Variants in FAM227A observed in about 807,000 individuals in gnomAD.
FAM227A encodes the protein protein FAM227A.
FAM227A carries 80 observed loss-of-function variants against 74.7 expected under a neutral mutation model. That is an observed-to-expected ratio of 1.07 (90% CI 0.89 to 1.29). The LOEUF (loss-of-function observed/expected upper bound fraction) is 1.29. Among genes scored for constraint, FAM227A ranks in the 50% most tolerant of loss-of-function variants. The probability of loss-of-function intolerance (pLI) is 0.00; values close to 1 mark genes in which losing one functional copy is unlikely to be tolerated. For missense variants in FAM227A, 654 were observed against 683.4 expected (o/e 0.96, Z 0.48); for synonymous variants, 237 against 241.8 (o/e 0.98, Z 0.19).
chr22:38,607,176 CAA>C (rs528873313), intron 12 of FAM227A, among the ~76,000 whole-genome samples: 4,176 of 55,368 alleles, frequency 0.075, 47 homozygotes, highest in African/African-American at 0.14. Flanking sequence ...GACTTCATCT[CAA>C]AAAAAAAAAA....
intron 11 of FAM227A, among the ~76,000 whole-genome samples, chr22:38,616,974 C>A (rs1454734824): frequency 1.3e-5 from 2 of 151,916 alleles, no homozygotes; most frequent in East Asian, 3.9e-4. Flanking sequence ...AAGGCACGGG[C>A]CTTCCTGCTG....
Position 38,635,228 on chromosome 22 carries a change from C to CAA in FAM227A, c.519+1221_519+1222dup, listed in dbSNP as rs34498896. On this transcript the variant is annotated intron_variant, in intron 6 of 16. Coordinates refer to ENST00000535113, the MANE Select transcript of FAM227A (RefSeq NM_001013647.2). ...CTGGCGACAGAGCGAGACTCTGTCT[C>CAA]AAAAAAAAAAAAAAAAAAAAAGGAA... Among the ~76,000 whole-genome samples, 80 of 67,318 alleles carry CAA rather than the reference C, an allele frequency of 1.2e-3. 1 individual carries two copies. Among genetic ancestry groups the CAA allele is most frequent in the African/African-American group, 3.0e-3 (56 of 18,482 alleles). 44.2% of individuals were successfully genotyped at this position (67,318 alleles called of 152,430 possible). A position where few individuals can be genotyped will look rare whatever the true frequency, so the allele number is the denominator to read the frequency against.
At chr22:38,613,080 AATTATATATATAT>A (rs1569206433) in intron 11 of FAM227A, among the ~76,000 whole-genome samples, 2 of 96,542 alleles carry the variant, frequency 2.1e-5, no homozygotes, top group Admixed American at 2.1e-4. Context: ...TATTATATAT[AATTATATATATAT>A]ATTATATATA....
At position 38,586,136 on chromosome 22, in the gene FAM227A, A is replaced by T; in HGVS notation, c.1702T>A (p.Ser568Thr). The T allele has an allele frequency of 6.4e-7, 1 of 1,551,874 alleles. No homozygotes were observed. The highest frequency in any genetic ancestry group is 8.7e-7 in the Non-Finnish European group (1 of 1,147,036). The change falls in exon 17 of 17, where the codon TCC (serine) becomes ACC (threonine). Residue 568 changes from serine to threonine, a missense_variant. By Grantham distance (58) the Ser-to-Thr change is moderately conservative (BLOSUM62 1). Coordinates refer to ENST00000535113, the MANE Select transcript of FAM227A (RefSeq NM_001013647.2). ...GGTTGTGGAGCTCCTCAGGGCTTGG[A>T]AGTGAGTGGAAAGAAATGTTCAACT... ...TEVEHFFPLT[S>T]KP is the part of the protein sequence containing the mutation.
rs1302708460 is a variant in FAM227A, at chr22:38,580,602, A to G, written c.*5523T>C. 2.0e-5 allele frequency: 3 copies of G among 152,178 alleles called. No individual in the cohort carries two copies. The highest frequency in any genetic ancestry group is 4.4e-5 in the Non-Finnish European group (3 of 68,036). The allele number at this position is 152,178 out of a possible 1,614,324, so 9.4% of individuals were successfully genotyped here. ...AAAATGGTGATATTTTAAGTCTATC[A>G]TTATTTCTGAATTTATTAGGTGGAT... On this transcript the variant is annotated 3_prime_UTR_variant, in exon 17 of 17. Coordinates refer to ENST00000535113, the MANE Select transcript of FAM227A (RefSeq NM_001013647.2).
rs1039394443 is a variant in FAM227A, at chr22:38,623,190, T to C, written c.940A>G (p.Arg314Gly). ...ATCTTACCCTTTGTCAGTCTTCTTC[T>C]GTACAACATTAATTCTTCTCTGCGG... Reference protein sequence around the residue: ...RFRREELMLYRRRLTKGREFS... With the variant: ...RFRREELMLYGRRLTKGREFS... Residue 314 changes from arginine to glycine, a missense_variant, in exon 10 of 17, where the codon AGA (arginine) becomes GGA (glycine). By Grantham distance (125) the Arg-to-Gly change is moderately radical. Transcript: ENST00000535113. 8 of 1,551,198 alleles carry C rather than the reference T, an allele frequency of 5.2e-6. No homozygotes were observed. The highest frequency in any genetic ancestry group is 4.1e-5 in the African/African-American group (3 of 73,048).
Position 38,628,307 on chromosome 22 carries a change from C to A in FAM227A, c.657G>T (p.Arg219=), listed in dbSNP as rs2145600180. The A allele has an allele frequency of 6.4e-7, 1 of 1,551,358 alleles. No individual in the cohort carries two copies. Among genetic ancestry groups the A allele is most frequent in the East Asian group, 2.4e-5 (1 of 40,928 alleles). The change falls in exon 8 of 17, where the codon CGG becomes CGT. Residue 219 remains arginine (R), a synonymous_variant. Transcript: ENST00000535113. Reference sequence around the variant, plus strand: ...AAAGTAAGGCATAGTGCTGGGCTATCCGGTCAAACAGATTATTCTGGAGCT... The same window carrying A: ...AAAGTAAGGCATAGTGCTGGGCTATACGGTCAAACAGATTATTCTGGAGCT... ...NKELQNNLFD[R]IAQHYALLLF...
intron 3 of FAM227A, among the ~76,000 whole-genome samples, chr22:38,642,930 C>T (rs1037164246): frequency 9.3e-5 from 14 of 150,142 alleles, no homozygotes; most frequent in South Asian, 8.5e-4. Context: ...AGTGAGACTC[C>T]GTCTCAAAAA....
chr22:38,642,953 AAAAC>A (rs2092147668), intron 3 of FAM227A, among the ~76,000 whole-genome samples: 4 of 152,102 alleles, frequency 2.6e-5, no homozygotes, highest in Non-Finnish European at 1.5e-5. Flanking sequence ...CAAAAACAAA[AAAAC>A]AACCCAAAAC....
intron 3 of FAM227A, among the ~76,000 whole-genome samples, chr22:38,643,343 T>C (rs1260832708): frequency 3.3e-5 from 5 of 149,482 alleles, no homozygotes; most frequent in Admixed American, 2.0e-4. Context: ...GGGTGGGGGT[T>C]GGCGCTAAAG....
chr22:38,639,625 G>A, intron 4 of FAM227A, 30 bp downstream of exon 4: 1 of 1,549,616 alleles, frequency 6.5e-7, no homozygotes. Context: ...CCCATGAAAA[G>A]AGCATCAAGG....
At chr22:38,608,576 G>A (rs1035931719) in intron 11 of FAM227A, among the ~76,000 whole-genome samples, 15 of 151,680 alleles carry the variant, frequency 9.9e-5, no homozygotes, top group African/African-American at 3.6e-4. Context: ...GATTACAGGT[G>A]TCCGCCACCA....
At chr22:38,594,824 C>T (rs561753060) in intron 15 of FAM227A, among the ~76,000 whole-genome samples, 8 of 151,938 alleles carry the variant, frequency 5.3e-5, no homozygotes, top group African/African-American at 1.9e-4. Flanking sequence ...AAAGGCCAGG[C>T]ATGGTGGCTA....
chr22:38,618,718 A>G (rs1463812133), intron 11 of FAM227A, among the ~76,000 whole-genome samples: 2 of 152,178 alleles, frequency 1.3e-5, no homozygotes, highest in East Asian at 1.9e-4. Context: ...GGATGACTAT[A>G]TATCTCCTAG....
chr22:38,634,396 T>C (rs1019138687), intron 6 of FAM227A, among the ~76,000 whole-genome samples: 3 of 152,314 alleles, frequency 2.0e-5, no homozygotes, highest in Middle Eastern at 3.4e-3. Context: ...ATGACCATGC[T>C]GTTCCTCTAT....
At chr22:38,609,769 CTTTCT>C in intron 11 of FAM227A, among the ~76,000 whole-genome samples, 2 of 151,594 alleles carry the variant, frequency 1.3e-5, no homozygotes, top group East Asian at 1.9e-4. Flanking sequence ...TTTTTCTTTT[CTTTCT>C]TTTTTTTTTT....
At chr22:38,653,710 C>G (rs548305788) in intron 1 of FAM227A, 4 of 152,184 alleles carry the variant, frequency 2.6e-5, no homozygotes, top group African/African-American at 4.8e-5. Context: ...ACCATCCCCC[C>G]CATCCCAGGT....
chr22:38,629,492 C>A (rs2145607644), intron 6 of FAM227A, among the ~76,000 whole-genome samples: 1 of 152,338 alleles, frequency 6.6e-6, no homozygotes, highest in Non-Finnish European at 1.5e-5. Flanking sequence ...TGCCCCAGGG[C>A]TAACACCTCC....
Position 38,584,450 on chromosome 22 carries a change from CTATTAT to C in FAM227A, c.*1669_*1674del, listed in dbSNP as rs375147432. On this transcript the variant is annotated 3_prime_UTR_variant, in exon 17 of 17. Transcript: ENST00000535113. ...CAATAAATGACATCACCTATGATTA[CTATTAT>C]TATGTTATACAATATTAGATACTCC... The C allele has an allele frequency of 2.6e-5, 4 of 152,248 alleles. No homozygotes were observed. The highest frequency in any genetic ancestry group is 9.6e-5 in the African/African-American group (4 of 41,530). The allele number at this position is 152,248 out of a possible 1,614,324, so 9.4% of individuals were successfully genotyped here.
Sources: allele counts gnomAD v4.1 joint callset (sites outside exome capture counted in the v4.1 genomes callset), GRCh38; gene constraint gnomAD v4.1.1; transcripts MANE v1.5; gene names NCBI Gene and HGNC (gene_info 2026-07-23, HGNC 2026-07-21).